The following P2RY10 variants were observed in gnomAD, a reference collection of about 807,000 sequenced individuals.
The protein encoded by P2RY10 is putative P2Y purinoceptor 10.
A neutral mutation model predicts 12.1 loss-of-function variants in P2RY10; 4 were observed. The ratio of observed to expected loss-of-function variants is 0.33; its 90% confidence interval spans 0.16 to 0.76. P2RY10 has a LOEUF of 0.76. P2RY10 is among the 30% of genes least tolerant of loss of function. The pLI is 0.61. For synonymous variants in P2RY10, 112 were observed against 94.1 expected (o/e 1.19, Z -1.10); for missense variants, 233 against 264.6 (o/e 0.88, Z 0.83).
At chrX:78,947,579 T>C (rs1002752083) in intron 1 of P2RY10, among the ~76,000 whole-genome samples, 6 of 111,884 alleles carry the variant, frequency 5.4e-5, no homozygotes, top group Non-Finnish European at 1.1e-4. Flanking sequence ...TGCATCTCAA[T>C]AATCTCATCT....
At chrX:78,960,386 A>G in intron 3 of P2RY10, 122 bp from the exon 4 acceptor site, 3 of 533,531 alleles carry the variant, frequency 5.6e-6, no homozygotes, top group Non-Finnish European at 8.9e-6. Context: ...AATTCTTTAT[A>G]TGTAAACATG....
At chrX:78,959,130 G>A (rs1183078777) in intron 3 of P2RY10, among the ~76,000 whole-genome samples, 7 of 111,291 alleles carry the variant, frequency 6.3e-5, no homozygotes, top group South Asian at 3.8e-4. Context: ...CTTCTAGCTC[G>A]AAATACAGTA....
At chrX:78,958,365 C>G (rs943226203) in intron 3 of P2RY10, among the ~76,000 whole-genome samples, 3 of 112,296 alleles carry the variant, frequency 2.7e-5, no homozygotes, top group African/African-American at 9.7e-5. Flanking sequence ...GGGAGCTAAG[C>G]TATGAGCATG....
chrX:78,958,422 A>T (rs761655816), intron 3 of P2RY10, among the ~76,000 whole-genome samples: 1 of 112,276 alleles, frequency 8.9e-6, no homozygotes, highest in South Asian at 3.7e-4. Context: ...TCTACTAAGT[A>T]GTCTCTCCTA....
chrX:78,963,400 G>A lies in P2RY10; in HGVS notation c.*1860G>A, dbSNP rs1922730456. Among the ~76,000 whole-genome samples, 1 of 112,054 alleles carries A rather than the reference G, an allele frequency of 8.9e-6. No individual in the cohort carries two copies. The highest frequency in any genetic ancestry group is 1.9e-5 in the Non-Finnish European group (1 of 53,198). Reference sequence around the variant, plus strand: ...TTTTCAGATGTGCTTGTAGTTAATGGCAACATTATCAGAATGACTACACAG... The same window carrying A: ...TTTTCAGATGTGCTTGTAGTTAATGACAACATTATCAGAATGACTACACAG... On this transcript the variant is annotated 3_prime_UTR_variant, in exon 4 of 4. Coordinates refer to ENST00000171757, the MANE Select transcript of P2RY10 (RefSeq NM_014499.4).
At chrX:78,955,214 T>C (rs1358895832) in intron 3 of P2RY10, among the ~76,000 whole-genome samples, 1 of 111,871 alleles carries the variant, frequency 8.9e-6, no homozygotes, top group African/African-American at 3.2e-5. Context: ...TTCACTTCAA[T>C]TGTTGCTATT....
chrX:78,951,552 G>C (rs1252019085), intron 2 of P2RY10, among the ~76,000 whole-genome samples: 1 of 111,126 alleles, frequency 9.0e-6, no homozygotes, highest in Non-Finnish European at 1.9e-5. Flanking sequence ...CGAAGAAGAG[G>C]GGAGTGAGAG....
rs6618859 is a variant in P2RY10 at position 78,958,960 on chromosome X, T to A, written c.-13-1548T>A. 7.2e-3 allele frequency among the ~76,000 whole-genome samples: 808 copies of A among 111,667 alleles called. 6 individuals are homozygous for A. Among genetic ancestry groups the A allele is most frequent in the African/African-American group, 0.025 (776 of 30,793 alleles). On this transcript the variant is annotated intron_variant, in intron 3 of 3. Coordinates refer to ENST00000171757, the MANE Select transcript of P2RY10 (RefSeq NM_014499.4). ...CTCTATTTCCTGGAGCAGGACTTAA[T>A]ATGACAGGAAGCCATTCTGCTACTC...
chrX:78,952,998 G>A (rs942532033), intron 3 of P2RY10, among the ~76,000 whole-genome samples: 1 of 111,627 alleles, frequency 9.0e-6, no homozygotes, highest in Non-Finnish European at 1.9e-5. Context: ...CAAAAAGAGG[G>A]TAGAGGAAAA....
At chrX:78,958,097 G>A (rs192961101) in intron 3 of P2RY10, among the ~76,000 whole-genome samples, 180 of 112,426 alleles carry the variant, frequency 1.6e-3, no homozygotes, top group African/African-American at 5.2e-3. Flanking sequence ...ATCAAAGTAG[G>A]TGGTAGGGTG....
chrX:78,947,887 A>T (rs1921922651), intron 2 of P2RY10, 24 bp downstream of exon 2: 1 of 589,935 alleles, frequency 1.7e-6, no homozygotes, highest in Non-Finnish European at 2.0e-6. Context: ...CTTTTTTAAA[A>T]ATGAGAAAAT....
In P2RY10 at chrX:78,952,297, A is replaced by G; in HGVS notation, c.-52A>G. 2.7e-6 allele frequency: 2 copies of G among 752,207 alleles called. No individual in the cohort carries two copies. The highest frequency in any genetic ancestry group is 3.1e-6 in the Non-Finnish European group (2 of 637,439). 62.0% of individuals were successfully genotyped at this position (752,207 alleles called of 1,213,427 possible). ...TTTTAATGGTCCTGACCTTTGGAAT[A>G]GGAAGCATGTACCCTGGACAGAGCA... On this transcript the variant is annotated 5_prime_UTR_variant, in exon 3 of 4. In the 5' UTR this introduces an upstream ATG that the reference lacks. Coordinates refer to ENST00000171757, the MANE Select transcript of P2RY10 (RefSeq NM_014499.4).
Position 78,961,084 on chromosome X carries a change from G to A in P2RY10, c.564G>A (p.Lys188=). Residue 188 remains lysine, a synonymous_variant, in exon 4 of 4, where the codon AAG becomes AAA. Coordinates refer to ENST00000171757, the MANE Select transcript of P2RY10 (RefSeq NM_014499.4). ...CCTGCTTTGCTGATCTTGGATACAAGCAAATGAATGCAGTTGCGTTGGTCG... is the reference window on the plus strand; with the variant it reads ...CCTGCTTTGCTGATCTTGGATACAAACAAATGAATGCAGTTGCGTTGGTCG... ...NKSCFADLGY[K]QMNAVALVGM... is the part of the protein sequence containing the mutation. The A allele has an allele frequency of 8.3e-7, 1 of 1,210,643 alleles. No homozygotes were observed. Among genetic ancestry groups the A allele is most frequent in the Non-Finnish European group, 1.1e-6 (1 of 894,674 alleles).
chrX:78,953,277 T>G (rs375696358), intron 3 of P2RY10, among the ~76,000 whole-genome samples: 1 of 111,743 alleles, frequency 8.9e-6, no homozygotes, highest in African/African-American at 3.3e-5. Flanking sequence ...TATGTGAGAC[T>G]AGGAGAAATG....
intron 2 of P2RY10, among the ~76,000 whole-genome samples, chrX:78,948,521 A>G (rs1921952782): frequency 9.0e-6 from 1 of 111,061 alleles, no homozygotes; most frequent in African/African-American, 3.3e-5. Flanking sequence ...TGCATGGGTA[A>G]ATTATATAGC....
chrX:78,955,801 G>C (rs892947920), intron 3 of P2RY10, among the ~76,000 whole-genome samples: 1 of 111,939 alleles, frequency 8.9e-6, no homozygotes, highest in African/African-American at 3.2e-5. Flanking sequence ...AAGATAGGAA[G>C]TTTCTCAGGG....
chrX:78,956,263 G>T (rs1472077968), intron 3 of P2RY10, among the ~76,000 whole-genome samples: 1 of 111,276 alleles, frequency 9.0e-6, no homozygotes, highest in Non-Finnish European at 1.9e-5. Context: ...GGTCTCTACA[G>T]GTATTGCTTT....
At chrX:78,959,498 C>A (rs1243164116) in intron 3 of P2RY10, among the ~76,000 whole-genome samples, 1 of 111,730 alleles carries the variant, frequency 9.0e-6, no homozygotes. Flanking sequence ...TCTACTCTCT[C>A]TATACCTTAA....
intron 3 of P2RY10, 27 bp downstream of exon 3, chrX:78,952,362 G>A (rs1922143968): frequency 4.1e-6 from 3 of 734,829 alleles, no homozygotes; most frequent in Non-Finnish European, 4.8e-6. Context: ...CTTCTGTAAG[G>A]CTGGCATTGG....
Sources: gnomAD v4.1 joint callset for allele counts (sites outside exome capture counted in the v4.1 genomes callset) on GRCh38, gnomAD v4.1.1 for gene constraint, MANE v1.5 for transcripts, NCBI Gene and HGNC (gene_info 2026-07-23, HGNC 2026-07-21) for gene names.